RNF144B: variants seen among roughly 807,000 people sequenced by gnomAD.
RNF144B encodes the protein ring finger protein 144B.
RNF144B carries 25 observed loss-of-function variants against 40.2 expected under a neutral mutation model. That is an observed-to-expected ratio of 0.62 (90% CI 0.45 to 0.87). The LOEUF is 0.87. Ranked by LOEUF, RNF144B falls within the 40% of genes least tolerant of loss-of-function variation. RNF144B has a pLI of 0.00. For missense variants in RNF144B, 365 were observed against 373.7 expected (o/e 0.98, Z 0.19); for synonymous variants, 145 against 136.3 (o/e 1.06, Z -0.44).
chr6:18,442,389 G>C lies in RNF144B; in HGVS notation c.331+2645G>C, dbSNP rs1484058038. 4.6e-5 allele frequency among the ~76,000 whole-genome samples: 7 copies of C among 152,176 alleles called. No individual in the cohort carries two copies. The East Asian group carries it at 1.3e-3, about 29-fold the overall frequency. On this transcript the variant is annotated intron_variant, in intron 4 of 7. Coordinates refer to ENST00000259939, the MANE Select transcript of RNF144B (RefSeq NM_182757.4). This position sits in a 1 kb window ranked among gnomAD's most constrained non-coding sequence, Gnocchi z 4.3. ...ACGAGTTCTGGGCAGATGCCCCACT[G>C]TGGATCCCATGCATTAACAATTCAT...
rs6925570 is a variant in RNF144B at position 18,406,156 on chromosome 6, G to T, written c.165+6457G>T. On this transcript the variant is annotated intron_variant, in intron 2 of 7. Coordinates refer to ENST00000259939, the MANE Select transcript of RNF144B (RefSeq NM_182757.4). This position sits in a 1 kb window ranked among gnomAD's most constrained non-coding sequence, Gnocchi z 4.2. ...TGGTTTTCAAATAACTCAACTTTTC[G>T]TATGAGACATAGATGCTAACAAGTA... 5.8e-6 allele frequency: 3 copies of T among 518,590 alleles called. No homozygotes were observed. Among genetic ancestry groups the T allele is most frequent in the South Asian group, 1.4e-5 (1 of 71,562 alleles). 32.1% of individuals were successfully genotyped at this position (518,590 alleles called of 1,614,324 possible). A position where few individuals can be genotyped will look rare whatever the true frequency, so the allele number is the denominator to read the frequency against.
intron 3 of RNF144B, 78 bp downstream of exon 3, chr6:18,427,763 C>T (rs1758592520): frequency 1.0e-6 from 1 of 959,178 alleles, no homozygotes; most frequent in South Asian, 1.5e-5. Context: ...ATGTATTTCC[C>T]TACCAGGGAG....
intron 1 of RNF144B, among the ~76,000 whole-genome samples, chr6:18,390,759 A>G (rs1235942116): frequency 6.6e-6 from 1 of 152,240 alleles, no homozygotes; most frequent in Non-Finnish European, 1.5e-5. Flanking sequence ...ATTCTCCTGC[A>G]TATGATTATA....
At chr6:18,423,758 C>T (rs939780465) in intron 2 of RNF144B, among the ~76,000 whole-genome samples, 3 of 141,334 alleles carry the variant, frequency 2.1e-5, no homozygotes, top group African/African-American at 8.2e-5. Flanking sequence ...GTGAGTTTGA[C>T]GAACAATCCT....
In RNF144B at chr6:18,400,775, T is replaced by C. The variant is rs1270447728; in HGVS notation, c.165+1076T>C. Among the ~76,000 whole-genome samples, 1 of 152,180 alleles carries C rather than the reference T, an allele frequency of 6.6e-6. No homozygotes were observed. The highest frequency in any genetic ancestry group is 1.9e-4 in the East Asian group (1 of 5,200). ...AACAAAACCCAGCGAAGTTTCTTGC[T>C]TTTAGGAGCTTATATTCTATATAAG... On this transcript the variant is annotated intron_variant, in intron 2 of 7. Transcript: ENST00000259939. This position sits in a 1 kb window ranked among gnomAD's most constrained non-coding sequence, Gnocchi z 5.6.
At chr6:18,392,035 TAAA>T (rs10643409) in intron 1 of RNF144B, among the ~76,000 whole-genome samples, 119 of 71,076 alleles carry the variant, frequency 1.7e-3, no homozygotes, top group Admixed American at 2.6e-3. Context: ...CCATCTCTAC[TAAA>T]AAAAAAAAAA....
At chr6:18,408,250 G>T (rs1465542257) in intron 2 of RNF144B, among the ~76,000 whole-genome samples, 1 of 152,082 alleles carries the variant, frequency 6.6e-6, no homozygotes, top group Non-Finnish European at 1.5e-5. Flanking sequence ...CTCCCAAAGT[G>T]CTGGGATTAC....
Position 18,415,276 on chromosome 6 carries a change from G to A in RNF144B, c.166-12305G>A, listed in dbSNP as rs924896965. Among the ~76,000 whole-genome samples, 3 of 152,112 alleles carry A rather than the reference G, an allele frequency of 2.0e-5. No individual in the cohort carries two copies. In the South Asian group the frequency reaches 6.2e-4, roughly 32 times the overall value. ...TTTGTGTTGATATAACAAAATACGC[G>A]AGACTAGGTAATTTATCAACAACAG... On this transcript the variant is annotated intron_variant, in intron 2 of 7. Transcript: ENST00000259939.
intron 1 of RNF144B, among the ~76,000 whole-genome samples, chr6:18,391,211 TG>T (rs1220144824): frequency 1.3e-5 from 2 of 152,208 alleles, no homozygotes; most frequent in African/African-American, 2.4e-5. Flanking sequence ...TCTCCTTGAT[TG>T]GTCAATTACA....
At chr6:18,413,992 C>A (rs1795097633) in intron 2 of RNF144B, among the ~76,000 whole-genome samples, 1 of 151,978 alleles carries the variant, frequency 6.6e-6, no homozygotes, top group South Asian at 2.1e-4. Flanking sequence ...CAATATGAAG[C>A]CCCTTGACTT....
chr6:18,460,622 ACTCG>A lies in RNF144B; in HGVS notation c.681+875_681+878del, dbSNP rs1451974760. ...CCCTCATGCTCTCTTGCATGCTCTC[ACTCG>A]CTCTCTCTCTCTCTTGTTCATGAGC... is the stretch of plus-strand genomic sequence containing the variant. On this transcript the variant is annotated intron_variant, in intron 6 of 7. Coordinates refer to ENST00000259939, the MANE Select transcript of RNF144B (RefSeq NM_182757.4). The surrounding 1 kb of genome is among the most constrained non-coding windows in gnomAD (Gnocchi z 4.4). Among the ~76,000 whole-genome samples the A allele has an allele frequency of 2.0e-5, 3 of 151,362 alleles. No individual in the cohort carries two copies. The highest frequency in any genetic ancestry group is 4.4e-5 in the Non-Finnish European group (3 of 67,878).
chr6:18,399,685 A>G lies in RNF144B; in HGVS notation c.151A>G (p.Ile51Val), dbSNP rs1794763074. 1.2e-6 allele frequency: 2 copies of G among 1,613,626 alleles called. No homozygotes were observed. The highest frequency in any genetic ancestry group is 3.3e-5 in the Admixed American group (2 of 59,972). The stretch of plus-strand genomic sequence containing the variant: ...GACCACACTCCAGGAATGCCAGTGC[A>G]TCTTTTGCACAGCTGTGAGTTTTCC... ...KMTTLQECQC[I>V]FCTACLKQYM... Residue 51 changes from isoleucine to valine, a missense_variant, in exon 2 of 8, where the codon ATC (isoleucine) becomes GTC (valine). Ile to Val is a conservative substitution (Grantham distance 29). Transcript: ENST00000259939.
At position 18,427,571 on chromosome 6, in the gene RNF144B, T is replaced by C. The variant is rs1455294911; in HGVS notation, c.166-10T>C. 6.2e-7 allele frequency: 1 copy of C among 1,605,424 alleles called. No individual in the cohort carries two copies. Among genetic ancestry groups the C allele is most frequent in the East Asian group, 2.2e-5 (1 of 44,792 alleles). ...GAATGGGCAATTGTCTTTTTTTTCT[T>C]AACTTCCAGTGCCTGAAACAGTACA... is the stretch of plus-strand genomic sequence containing the variant. On this transcript the variant is annotated splice_polypyrimidine_tract_variant and intron_variant, in intron 2 of 7. Coordinates refer to ENST00000259939, the MANE Select transcript of RNF144B (RefSeq NM_182757.4).
Position 18,446,840 on chromosome 6 carries a change from G to GGTGTGTGTGTGTGTGTGTGTGT in RNF144B, c.331+7109_331+7130dup, listed in dbSNP as rs70974744. On this transcript the variant is annotated intron_variant, in intron 4 of 7. Coordinates refer to ENST00000259939, the MANE Select transcript of RNF144B (RefSeq NM_182757.4). The surrounding 1 kb of genome is among the most constrained non-coding windows in gnomAD (Gnocchi z 4.7). ...TAAAGTTTTATTGGTTCTATTTTAG[G>GGTGTGTGTGTGTGTGTGTGTGT]GTGTGTGTGTGTGTGTGTGTGTGTG... Among the ~76,000 whole-genome samples, 2 of 147,892 alleles carry GGTGTGTGTGTGTGTGTGTGTGT rather than the reference G, an allele frequency of 1.4e-5. No homozygotes were observed. The highest frequency in any genetic ancestry group is 5.0e-5 in the African/African-American group (2 of 39,894).
At position 18,458,277 on chromosome 6, in the gene RNF144B, G is replaced by A. The variant is rs553566683; in HGVS notation, c.536+918G>A. Among the ~76,000 whole-genome samples, 1 of 152,316 alleles carries A rather than the reference G, an allele frequency of 6.6e-6. No homozygotes were observed. The highest frequency in any genetic ancestry group is 6.5e-5 in the Admixed American group (1 of 15,308). On this transcript the variant is annotated intron_variant, in intron 5 of 7. Transcript: ENST00000259939. The surrounding 1 kb of genome is among the most constrained non-coding windows in gnomAD (Gnocchi z 4.8). The stretch of plus-strand genomic sequence containing the variant: ...TTATGGCAACAGCAGTGCCCAGAGT[G>A]AGAGACCTCTGTGTTTCATTCCTGC...
At position 18,444,316 on chromosome 6, in the gene RNF144B, C is replaced by T. The variant is rs920958096; in HGVS notation, c.331+4572C>T. 3.3e-5 allele frequency among the ~76,000 whole-genome samples: 5 copies of T among 152,130 alleles called. No individual in the cohort carries two copies. The highest frequency in any genetic ancestry group is 7.2e-5 in the African/African-American group (3 of 41,434). On this transcript the variant is annotated intron_variant, in intron 4 of 7. Coordinates refer to ENST00000259939, the MANE Select transcript of RNF144B (RefSeq NM_182757.4). The surrounding 1 kb of genome is among the most constrained non-coding windows in gnomAD (Gnocchi z 4.3). ...GGCTTTCTCTTTCTGCATCAGCTTT[C>T]CAATATTAACAAGGAAAAGGGAATG...
chr6:18,440,837 A>G (rs1758946496), intron 4 of RNF144B, among the ~76,000 whole-genome samples: 1 of 146,088 alleles, frequency 6.8e-6, no homozygotes, highest in African/African-American at 2.5e-5. Flanking sequence ...AACCAGATTT[A>G]TCTCATGGGT....
chr6:18,427,618 G>A lies in RNF144B; in HGVS notation c.203G>A (p.Gly68Glu). 1 of 1,613,802 alleles carries A rather than the reference G, an allele frequency of 6.2e-7. No homozygotes were observed. The highest frequency in any genetic ancestry group is 8.5e-7 in the Non-Finnish European group (1 of 1,179,814). Reference sequence around the variant, plus strand: ...TACATGCAGCTGGCAATCCGAGAAGGATGTGGGTCTCCCATCACTTGCCCT... The same window carrying A: ...TACATGCAGCTGGCAATCCGAGAAGAATGTGGGTCTCCCATCACTTGCCCT... ...KQYMQLAIRE[G>E]CGSPITCPDM... The change falls in exon 3 of 8, where the codon GGA (glycine) becomes GAA (glutamate). Residue 68 changes from glycine to glutamate, a missense_variant. Coordinates refer to ENST00000259939, the MANE Select transcript of RNF144B (RefSeq NM_182757.4).
chr6:18,393,396 T>C (rs1794626861), intron 1 of RNF144B, among the ~76,000 whole-genome samples: 1 of 152,234 alleles, frequency 6.6e-6, no homozygotes, highest in African/African-American at 2.4e-5. Flanking sequence ...TTGCTGTTGC[T>C]ACTGCTACCA....
Sources: allele counts gnomAD v4.1 joint callset (sites outside exome capture counted in the v4.1 genomes callset), GRCh38; gene constraint gnomAD v4.1.1; non-coding constraint Gnocchi (gnomAD v3.1); transcripts MANE v1.5; gene names NCBI Gene and HGNC (gene_info 2026-07-23, HGNC 2026-07-21).